Variants in GHR observed in about 807,000 individuals in gnomAD.
GHR encodes the protein growth hormone receptor.
GHR carries 35 observed loss-of-function variants against 67.1 expected under a neutral mutation model. The ratio of observed to expected loss-of-function variants is 0.52; its 90% CI spans 0.40 to 0.69. The LOEUF is 0.69. GHR is among the 30% of genes least tolerant of loss of function. GHR has a pLI of 0.00. For synonymous variants in GHR, 272 were observed against 269.1 expected (o/e 1.01, Z -0.10); for missense variants, 792 against 764.6 (o/e 1.04, Z -0.42).
chr5:42,691,327 A>G (rs1394503288), intron 4 of GHR, among the ~76,000 whole-genome samples: 3 of 152,232 alleles, frequency 2.0e-5, no homozygotes, highest in Non-Finnish European at 4.4e-5. Context: ...TATAAAATAT[A>G]ACTATTTTGA....
chr5:42,528,864 CGGCAAAAAGATTATGACTCACTAAA>C (rs1420341885), intron 1 of GHR, among the ~76,000 whole-genome samples: 1 of 152,064 alleles, frequency 6.6e-6, no homozygotes, highest in African/African-American at 2.4e-5. Flanking sequence ...GACTCTCCAC[CGGCAAAAAGATTATGACTCACTAAA>C]GGCTCAGATG....
At chr5:42,510,267 C>G (rs1746955138) in intron 1 of GHR, among the ~76,000 whole-genome samples, 1 of 152,212 alleles carries the variant, frequency 6.6e-6, no homozygotes, top group African/African-American at 2.4e-5. Flanking sequence ...TGGATTATTG[C>G]AAAGACCTTT....
chr5:42,595,947 A>G (rs368071168), intron 2 of GHR, among the ~76,000 whole-genome samples: 3 of 152,214 alleles, frequency 2.0e-5, no homozygotes, highest in African/African-American at 7.2e-5. Flanking sequence ...TGCTCTTGGA[A>G]AGTGGAGTAA....
intron 3 of GHR, among the ~76,000 whole-genome samples, chr5:42,636,504 T>C (rs998931049): frequency 2.0e-5 from 3 of 152,148 alleles, no homozygotes; most frequent in Admixed American, 1.3e-4. Context: ...GCCCACTGAT[T>C]TGCTGCTTAA....
At chr5:42,533,276 C>T (rs1748061880) in intron 1 of GHR, among the ~76,000 whole-genome samples, 1 of 151,930 alleles carries the variant, frequency 6.6e-6, no homozygotes, top group Admixed American at 6.6e-5. Flanking sequence ...ATCTTTTCTT[C>T]TCTTTATTAA....
chr5:42,578,252 G>C (rs185226692), intron 2 of GHR, among the ~76,000 whole-genome samples: 39 of 152,290 alleles, frequency 2.6e-4, no homozygotes, highest in Non-Finnish European at 4.3e-4. Flanking sequence ...GAGAACCACA[G>C]TCTAGATCTG....
In GHR at chr5:42,468,290, C is replaced by T. The variant is rs554360761; in HGVS notation, c.-12+44335C>T. On this transcript the variant is annotated intron_variant, in intron 1 of 9. Transcript: ENST00000230882. ...TTCACCTTCACTGGGCGGCATGGGC[C>T]TAGGGCCATGGCTTCTCTCAATTCT... The T allele has an allele frequency of 1.4e-4, 224 of 1,576,586 alleles. 1 individual carries two copies. In the East Asian group the frequency reaches 3.9e-3, roughly 27 times the overall value.
rs184779348 is a variant in GHR, at chr5:42,606,747, T to C, written c.71-22291T>C. On this transcript the variant is annotated intron_variant, in intron 2 of 9. Transcript: ENST00000230882. ...CCCAGTTTTAGACTATGTAGAACTT[T>C]AATCCTTGGGCAGCAGCTGGGAAAG... Among the ~76,000 whole-genome samples, 109 of 152,286 alleles carry C rather than the reference T, an allele frequency of 7.2e-4. 2 individuals are homozygous for C. The highest frequency in any genetic ancestry group is 4.6e-4 in the Non-Finnish European group (31 of 68,026).
intron 1 of GHR, among the ~76,000 whole-genome samples, chr5:42,530,523 C>A (rs1286535610): frequency 6.6e-6 from 1 of 152,142 alleles, no homozygotes; most frequent in Non-Finnish European, 1.5e-5. Flanking sequence ...AATCTGCTAC[C>A]TAGTTTGCCT....
At chr5:42,717,949 G>T in intron 8 of GHR, 103 bp from the exon 9 acceptor site, 3 of 697,460 alleles carry the variant, frequency 4.3e-6, no homozygotes, top group East Asian at 2.8e-5. Context: ...CAGAATATTT[G>T]GAAAAAGTAA....
At chr5:42,648,677 GTAC>G (rs898373343) in intron 3 of GHR, among the ~76,000 whole-genome samples, 6 of 151,070 alleles carry the variant, frequency 4.0e-5, no homozygotes, top group African/African-American at 1.5e-4. Context: ...ATAAGTAATA[GTAC>G]TACTACTAGT....
chr5:42,430,361 CA>C (rs1743039072), intron 1 of GHR, among the ~76,000 whole-genome samples: 1 of 152,130 alleles, frequency 6.6e-6, no homozygotes, highest in Non-Finnish European at 1.5e-5. Context: ...CACACACACA[CA>C]TACACACACA....
intron 1 of GHR, among the ~76,000 whole-genome samples, chr5:42,493,039 ATAT>A (rs1285959443): frequency 6.6e-6 from 1 of 152,212 alleles, no homozygotes; most frequent in Admixed American, 6.5e-5. Flanking sequence ...GGAAAAATTC[ATAT>A]TATTGGATAG....
intron 1 of GHR, among the ~76,000 whole-genome samples, chr5:42,440,853 A>G (rs1420345617): frequency 6.6e-6 from 1 of 152,236 alleles, no homozygotes; most frequent in African/African-American, 2.4e-5. Flanking sequence ...GAGGGATGTC[A>G]TGGTAAACTC....
intron 1 of GHR, among the ~76,000 whole-genome samples, chr5:42,427,219 C>T (rs750372536): frequency 6.6e-6 from 1 of 152,172 alleles, no homozygotes; most frequent in Non-Finnish European, 1.5e-5. Flanking sequence ...TCTCATGCTG[C>T]TAATAAAGAC....
At chr5:42,513,233 G>A (rs1747096968) in intron 1 of GHR, among the ~76,000 whole-genome samples, 1 of 152,278 alleles carries the variant, frequency 6.6e-6, no homozygotes, top group Non-Finnish European at 1.5e-5. Context: ...CAATTGTGTA[G>A]GAGCAGTTAT....
chr5:42,679,266 A>G (rs1756736376), intron 3 of GHR, among the ~76,000 whole-genome samples: 1 of 149,304 alleles, frequency 6.7e-6, no homozygotes, highest in Admixed American at 6.7e-5. Flanking sequence ...ATTTACATAT[A>G]CATATAAATA....
At chr5:42,659,856 A>T (rs1416128355) in intron 3 of GHR, among the ~76,000 whole-genome samples, 1 of 152,128 alleles carries the variant, frequency 6.6e-6, no homozygotes, top group Non-Finnish European at 1.5e-5. Context: ...TTTCCGAGTC[A>T]AAGAAAGGGG....
intron 3 of GHR, among the ~76,000 whole-genome samples, chr5:42,632,297 C>G (rs1380442372): frequency 6.6e-6 from 1 of 152,088 alleles, no homozygotes; most frequent in Non-Finnish European, 1.5e-5. Context: ...ATCAGTCCTG[C>G]CCACCTTTAA....
Sources: allele counts gnomAD v4.1 joint callset (sites outside exome capture counted in the v4.1 genomes callset), GRCh38; gene constraint gnomAD v4.1.1; transcripts MANE v1.5; gene names NCBI Gene and HGNC (gene_info 2026-07-23, HGNC 2026-07-21).